BAD: variants seen among roughly 807,000 people sequenced by gnomAD.
BAD encodes BCL2 associated agonist of cell death, also known as bcl2-associated agonist of cell death.
A neutral mutation model predicts 17.8 loss-of-function variants in BAD; 18 were observed. The observed-to-expected ratio is 1.01, with a 90% CI of 0.70 to 1.50. The LOEUF is 1.50. BAD is among the 40% of genes most tolerant of loss of function. The probability of loss-of-function intolerance (pLI) is 0.00; values close to 1 mark genes in which losing one functional copy is unlikely to be tolerated. For synonymous variants in BAD, 112 were observed against 91.5 expected, an observed-to-expected ratio of 1.22 and a Z score of -1.28; for missense variants, 294 against 239.3, an observed-to-expected ratio of 1.23 and a Z score of -1.51.
chr11:64,271,432 G>A (rs900486647), intron 3 of BAD, among the ~76,000 whole-genome samples, 181 bp downstream of exon 3: 3 of 151,966 alleles, frequency 2.0e-5, no homozygotes, highest in Non-Finnish European at 4.4e-5. Context: ...CTGGGGAGTG[G>A]GGGCGGGGAA....
intron 2 of BAD, among the ~76,000 whole-genome samples, chr11:64,277,270 C>T (rs1219577263): frequency 6.6e-6 from 1 of 152,284 alleles, no homozygotes; most frequent in East Asian, 1.9e-4. Flanking sequence ...GTGCTGCCAC[C>T]CCACCCTGGG....
Position 64,270,184 on chromosome 11 carries a change from G to A in BAD, c.*25C>T, listed in dbSNP as rs370353523. Reference sequence around the variant, plus strand: ...GCTGCCCAGGGCAGTGGGAACGGGTGGAGTTTCGGGATGTGGAGCGAAGGT... The same window carrying A: ...GCTGCCCAGGGCAGTGGGAACGGGTAGAGTTTCGGGATGTGGAGCGAAGGT... On this transcript the variant is annotated 3_prime_UTR_variant, in exon 4 of 4. Coordinates refer to ENST00000309032, the MANE Select transcript of BAD (RefSeq NM_032989.3). 1.9e-4 allele frequency: 311 copies of A among 1,613,888 alleles called. No individual in the cohort carries two copies. The highest frequency in any genetic ancestry group is 2.6e-4 in the Non-Finnish European group (301 of 1,179,972).
rs1441661579 is a variant in BAD, at chr11:64,283,837, G to A, written c.187+345C>T. On this transcript the variant is annotated intron_variant, in intron 2 of 3. Coordinates refer to ENST00000309032, the MANE Select transcript of BAD (RefSeq NM_032989.3). ...ATTTTAAGAGCTGGAGTCTCCCTAA[G>A]TCACTCAGGCTGGCCTTGAACTTCT... Among the ~76,000 whole-genome samples, 4 of 152,004 alleles carry A rather than the reference G, an allele frequency of 2.6e-5. No individual in the cohort carries two copies. In the East Asian group the frequency reaches 7.8e-4, roughly 30 times the overall value.
At chr11:64,275,998 G>A (rs1355073724) in intron 2 of BAD, among the ~76,000 whole-genome samples, 1 of 152,194 alleles carries the variant, frequency 6.6e-6, no homozygotes, top group East Asian at 1.9e-4. Context: ...GTAGGTAGCA[G>A]AGCTGGGATC....
intron 2 of BAD, among the ~76,000 whole-genome samples, chr11:64,283,809 T>C (rs1591182955): frequency 6.6e-6 from 1 of 152,302 alleles, no homozygotes; most frequent in East Asian, 1.9e-4. Flanking sequence ...TATATATATA[T>C]GTATTTTAAG....
At position 64,276,909 on chromosome 11, in the gene BAD, G is replaced by A. The variant is rs755515764; in HGVS notation, c.188-5106C>T. The A allele has an allele frequency of 5.3e-6, 4 of 761,412 alleles. No individual in the cohort carries two copies. The South Asian group carries it at 5.6e-5, about 11-fold the overall frequency. The allele number at this position is 761,412 out of a possible 1,614,324, so 47.2% of individuals were successfully genotyped here. A position where few individuals can be genotyped will look rare whatever the true frequency, so the allele number is the denominator to read the frequency against. On this transcript the variant is annotated intron_variant, in intron 2 of 3. Transcript: ENST00000309032. ...CCCAGGCCCCAGCATGGCACCTCTA[G>A]CTTTACATTCTCTGCGTGTTGGGCT...
intron 2 of BAD, 70 bp downstream of exon 2, chr11:64,284,112 A>C (rs1680412135): frequency 3.3e-6 from 5 of 1,493,132 alleles, no homozygotes; most frequent in Non-Finnish European, 4.5e-6. Flanking sequence ...CTGTGGATGC[A>C]ACTGGGATGC....
intron 2 of BAD, among the ~76,000 whole-genome samples, chr11:64,281,279 A>T (rs746352102): frequency 2.0e-5 from 3 of 151,932 alleles, no homozygotes; most frequent in African/African-American, 4.8e-5. Flanking sequence ...TAGTTTTTTT[A>T]AAATTCCTTG....
chr11:64,279,413 C>T (rs11231741), intron 2 of BAD, among the ~76,000 whole-genome samples: 33,231 of 152,164 alleles, frequency 0.22, 4,650 homozygotes, highest in Non-Finnish European at 0.32. Flanking sequence ...CTGGTTCAGA[C>T]TCCAAGTCCC....
At position 64,270,258 on chromosome 11, in the gene BAD, G is replaced by T. The variant is rs558515373; in HGVS notation, c.458C>A (p.Ser153Tyr). 3 of 1,597,752 alleles carry T rather than the reference G, an allele frequency of 1.9e-6. No individual in the cohort carries two copies. The African/African-American group carries it at 4.0e-5, about 21-fold the overall frequency. The part of the protein sequence containing the change: ...QSSSWTRVFQ[S>Y]WWDRNLGRGS... ...CCTGCCCAAGTTCCGATCCCACCAG[G>T]ACTGGAAGACTCGCGTCCAGCTGGA... Residue 153 changes from serine to tyrosine, a missense_variant, in exon 4 of 4, where the codon TCC becomes TAC. Physicochemically the swap from Ser to Tyr is moderately radical, Grantham distance 144. Coordinates refer to ENST00000309032, the MANE Select transcript of BAD (RefSeq NM_032989.3).
Position 64,270,129 on chromosome 11 carries a change from A to AG in BAD, c.*79dup. The AG allele has an allele frequency of 1.9e-6, 3 of 1,603,432 alleles. No homozygotes were observed. Among genetic ancestry groups the AG allele is most frequent in the Non-Finnish European group, 2.6e-6 (3 of 1,172,444 alleles). On this transcript the variant is annotated 3_prime_UTR_variant, in exon 4 of 4. Transcript: ENST00000309032. ...CGGATCCTCTTTTTGCATAGGCCTG[A>AG]GGGAAGTACTTCCGCCCATATTCAA...
intron 2 of BAD, among the ~76,000 whole-genome samples, chr11:64,281,237 A>G (rs1475716318): frequency 6.6e-6 from 1 of 152,190 alleles, no homozygotes; most frequent in Non-Finnish European, 1.5e-5. Flanking sequence ...AAGTGCTGGG[A>G]TTATAGGCGT....
intron 2 of BAD, among the ~76,000 whole-genome samples, chr11:64,279,746 G>C (rs1282138461): frequency 3.2e-5 from 4 of 126,562 alleles, no homozygotes; most frequent in Non-Finnish European, 6.4e-5. Flanking sequence ...CTGGGTGACA[G>C]AGTAAGACTC....
Position 64,274,868 on chromosome 11 carries a change from C to G in BAD, c.188-3065G>C, listed in dbSNP as rs573521155. On this transcript the variant is annotated intron_variant, in intron 2 of 3. Coordinates refer to ENST00000309032, the MANE Select transcript of BAD (RefSeq NM_032989.3). ...GGCATGGTGGTGTGGGCCTGTAGTC[C>G]CAGCTACTAGGGAGGTTAAGGCACA... 2.0e-5 allele frequency among the ~76,000 whole-genome samples: 3 copies of G among 151,462 alleles called. No individual in the cohort carries two copies. In the East Asian group the frequency reaches 5.8e-4, roughly 29 times the overall value.
intron 2 of BAD, among the ~76,000 whole-genome samples, chr11:64,282,780 G>A (rs2033563976): frequency 6.6e-6 from 1 of 151,646 alleles, no homozygotes; most frequent in South Asian, 2.1e-4. Flanking sequence ...TCTGGAGGCT[G>A]AGGCAGGAGA....
At chr11:64,271,578 CT>C in intron 3 of BAD, 34 bp downstream of exon 3, 2 of 1,391,224 alleles carry the variant, frequency 1.4e-6, no homozygotes, top group African/African-American at 1.5e-5. Flanking sequence ...CGGCCTGGTA[CT>C]TCAGGTCCTG....
chr11:64,271,529 G>T (rs2032606029), intron 3 of BAD, 84 bp downstream of exon 3: 1 of 1,300,840 alleles, frequency 7.7e-7, no homozygotes, highest in Non-Finnish European at 9.9e-7. Context: ...CCAGATCCGG[G>T]CGTGCCTTGG....
At chr11:64,277,478 C>G (rs1158502477) in intron 2 of BAD, among the ~76,000 whole-genome samples, 2 of 152,222 alleles carry the variant, frequency 1.3e-5, no homozygotes, top group East Asian at 3.8e-4. Context: ...CTCTCTGTCA[C>G]CCAGACTGGA....
At chr11:64,278,260 C>T (rs974832202) in intron 2 of BAD, among the ~76,000 whole-genome samples, 3 of 151,800 alleles carry the variant, frequency 2.0e-5, no homozygotes, top group Non-Finnish European at 4.4e-5. Context: ...CAAGAATGTA[C>T]ATAAAGGCAA....
Sources: gnomAD v4.1 joint callset for allele counts (sites outside exome capture counted in the v4.1 genomes callset) on GRCh38, gnomAD v4.1.1 for gene constraint, MANE v1.5 for transcripts, NCBI Gene and HGNC (gene_info 2026-07-23, HGNC 2026-07-21) for gene names.